LPP: variants seen among roughly 807,000 people sequenced by gnomAD.
LPP encodes the protein lipoma-preferred partner.
Under a neutral mutation model 60.4 loss-of-function variants are expected in LPP, and 38 were observed. The ratio of observed to expected loss-of-function variants is 0.63; its 90% CI spans 0.49 to 0.83. The LOEUF is 0.83. LPP is among the 40% of genes least tolerant of loss of function. LPP has a pLI of 0.00. For synonymous variants in LPP, 328 were observed against 290.8 expected, an observed-to-expected ratio of 1.13 and a Z score of -1.30; for missense variants, 902 against 783.6, an observed-to-expected ratio of 1.15 and a Z score of -1.80.
At chr3:188,525,707 G>A (rs1158181790) in intron 6 of LPP, among the ~76,000 whole-genome samples, 1 of 152,156 alleles carries the variant, frequency 6.6e-6, no homozygotes, top group South Asian at 2.1e-4. Flanking sequence ...CTACATTGAT[G>A]AATGAGACCA....
intron 8 of LPP, among the ~76,000 whole-genome samples, chr3:188,756,882 T>C (rs1411694244): frequency 6.6e-6 from 1 of 152,164 alleles, no homozygotes; most frequent in Non-Finnish European, 1.5e-5. Flanking sequence ...AAGTAGAAGA[T>C]CATTCCTTAG....
intron 6 of LPP, among the ~76,000 whole-genome samples, chr3:188,558,921 C>G (rs1243392227): frequency 6.6e-6 from 1 of 152,014 alleles, no homozygotes; most frequent in African/African-American, 2.4e-5. Flanking sequence ...ATTTTGAATT[C>G]GTGGTGGAAA....
At chr3:188,718,806 T>A (rs1362893035) in intron 8 of LPP, among the ~76,000 whole-genome samples, 1 of 152,218 alleles carries the variant, frequency 6.6e-6, no homozygotes, top group Non-Finnish European at 1.5e-5. Flanking sequence ...AATACTTCAT[T>A]CATTTAAGAT....
chr3:188,348,428 A>G (rs1199904642), intron 3 of LPP, among the ~76,000 whole-genome samples: 3 of 152,188 alleles, frequency 2.0e-5, no homozygotes, highest in Non-Finnish European at 2.9e-5. Context: ...GATTACAGGC[A>G]TGAGCCACCG....
At chr3:188,769,872 G>C (rs891700773) in intron 9 of LPP, among the ~76,000 whole-genome samples, 4 of 152,128 alleles carry the variant, frequency 2.6e-5, no homozygotes, top group Non-Finnish European at 5.9e-5. Context: ...CAGAATGAAG[G>C]GTCTCAGATT....
chr3:188,858,174 C>T (rs1764287172), intron 9 of LPP, among the ~76,000 whole-genome samples: 1 of 152,194 alleles, frequency 6.6e-6, no homozygotes, highest in South Asian at 2.1e-4. Flanking sequence ...TAAATCTTCA[C>T]ATGACTTATG....
chr3:188,672,485 G>T (rs1265530119), intron 7 of LPP, among the ~76,000 whole-genome samples: 1 of 152,122 alleles, frequency 6.6e-6, no homozygotes, highest in African/African-American at 2.4e-5. Context: ...TAAAGGACTG[G>T]AGTAAAAATG....
chr3:188,843,691 G>A (rs1760674818), intron 9 of LPP, among the ~76,000 whole-genome samples: 1 of 149,870 alleles, frequency 6.7e-6, no homozygotes, highest in Non-Finnish European at 1.5e-5. Context: ...GGAGGCTGAG[G>A]CAGGAGAATG....
intron 2 of LPP, among the ~76,000 whole-genome samples, chr3:188,273,240 T>G (rs1738424143): frequency 6.6e-6 from 1 of 152,206 alleles, no homozygotes; most frequent in African/African-American, 2.4e-5. Context: ...TGGTAATTGG[T>G]GGGGTGATAT....
chr3:188,288,825 A>ACC (rs1480877571), intron 2 of LPP, among the ~76,000 whole-genome samples: 11 of 25,504 alleles, frequency 4.3e-4, no homozygotes, highest in African/African-American at 1.6e-3. Context: ...CCCACCCCCC[A>ACC]CCCCCACCCC....
Position 188,422,243 on chromosome 3 carries a change from T to G in LPP, c.193+15930T>G, listed in dbSNP as rs115387981. On this transcript the variant is annotated intron_variant, in intron 4 of 11. Transcript: ENST00000617246. The stretch of plus-strand genomic sequence containing the variant: ...TGTTGTAGAATATTTTGGTCAGTAA[T>G]CATCAGTAATCGCTAAGTAACAGAA... Among the ~76,000 whole-genome samples the G allele has an allele frequency of 1.7e-3, 259 of 152,300 alleles. 1 individual carries two copies. Among genetic ancestry groups the G allele is most frequent in the African/African-American group, 6.0e-3 (249 of 41,562 alleles).
chr3:188,518,237 T>C (rs1817937585), intron 5 of LPP, among the ~76,000 whole-genome samples: 1 of 152,180 alleles, frequency 6.6e-6, no homozygotes, highest in African/African-American at 2.4e-5. Context: ...CCTTTAGTTA[T>C]CACCATTTTC....
In LPP at chr3:188,612,307, G is replaced by T. The variant is rs559452812; in HGVS notation, c.1113+2463G>T. Reference sequence around the variant, plus strand: ...GATAAATTCTGGGCGCGTTGTGAGGGCATTGGCTGATGAAAGGGTGGGTTC... The same window carrying T: ...GATAAATTCTGGGCGCGTTGTGAGGTCATTGGCTGATGAAAGGGTGGGTTC... On this transcript the variant is annotated intron_variant, in intron 7 of 11. Coordinates refer to ENST00000617246, the MANE Select transcript of LPP (RefSeq NM_001375462.1). Among the ~76,000 whole-genome samples the T allele has an allele frequency of 7.9e-5, 12 of 152,228 alleles. No homozygotes were observed. The East Asian group carries it at 2.1e-3, about 27-fold the overall frequency.
At chr3:188,530,489 G>T (rs1325348064) in intron 6 of LPP, among the ~76,000 whole-genome samples, 1 of 152,198 alleles carries the variant, frequency 6.6e-6, no homozygotes, top group Non-Finnish European at 1.5e-5. Context: ...CAGAGCTTTA[G>T]TGGGCCTTCC....
At chr3:188,302,660 T>G (rs1750284030) in intron 2 of LPP, among the ~76,000 whole-genome samples, 1 of 152,210 alleles carries the variant, frequency 6.6e-6, no homozygotes, top group Admixed American at 6.5e-5. Flanking sequence ...AGATGCACCT[T>G]ATGAAGCAAA....
chr3:188,367,086 C>T (rs374985977), intron 3 of LPP, among the ~76,000 whole-genome samples: 25 of 152,052 alleles, frequency 1.6e-4, no homozygotes, highest in East Asian at 1.6e-3. Context: ...TTAGTAGAGA[C>T]GGGGTTTCAC....
intron 6 of LPP, among the ~76,000 whole-genome samples, chr3:188,606,949 T>C (rs1228144407): frequency 6.6e-6 from 1 of 152,128 alleles, no homozygotes; most frequent in Non-Finnish European, 1.5e-5. Flanking sequence ...ATGACAGGCA[T>C]GCTCTCTGCT....
chr3:188,458,935 G>A (rs1193495419), intron 4 of LPP, among the ~76,000 whole-genome samples: 1 of 151,902 alleles, frequency 6.6e-6, no homozygotes, highest in Non-Finnish European at 1.5e-5. Flanking sequence ...TTGGGTAAGG[G>A]TTTAAACTCT....
chr3:188,275,949 C>T (rs1313939342), intron 2 of LPP, among the ~76,000 whole-genome samples: 1 of 152,170 alleles, frequency 6.6e-6, no homozygotes, highest in African/African-American at 2.4e-5. Flanking sequence ...GCTGGGATTA[C>T]AGGCATGAGG....
Sources: allele counts gnomAD v4.1 joint callset (sites outside exome capture counted in the v4.1 genomes callset), GRCh38; gene constraint gnomAD v4.1.1; transcripts MANE v1.5; gene names NCBI Gene and HGNC (gene_info 2026-07-23, HGNC 2026-07-21).